Variants in SDK1 observed in about 807,000 individuals in gnomAD.
The protein encoded by SDK1 is sidekick cell adhesion molecule 1.
In SDK1, 157 loss-of-function variants were observed where a neutral mutation model predicts 245.5. The ratio of observed to expected loss-of-function variants is 0.64; its 90% CI spans 0.56 to 0.73. SDK1 has a LOEUF of 0.73. Ranked by LOEUF, SDK1 falls within the 30% of genes least tolerant of loss-of-function variation. The probability of loss-of-function intolerance (pLI) is 0.00; values close to 1 mark genes in which losing one functional copy is unlikely to be tolerated. For synonymous variants in SDK1, 1,647 were observed against 1,278.5 expected, an observed-to-expected ratio of 1.29 and a Z score of -6.15; for missense variants, 3,583 against 3,002.3, an observed-to-expected ratio of 1.19 and a Z score of -4.52.
chr7:3,831,967 C>G (rs1025366429), intron 5 of SDK1, among the ~76,000 whole-genome samples: 1 of 152,088 alleles, frequency 6.6e-6, no homozygotes, highest in African/African-American at 2.4e-5. Context: ...AGGAGGATCA[C>G]TTGAGCCAGG....
chr7:3,811,094 G>A (rs1486580520), intron 4 of SDK1, among the ~76,000 whole-genome samples: 1 of 152,166 alleles, frequency 6.6e-6, no homozygotes, highest in Non-Finnish European at 1.5e-5. Flanking sequence ...TACACCTGAT[G>A]AACCAGATTC....
chr7:3,739,078 T>C (rs1217818246), intron 4 of SDK1, among the ~76,000 whole-genome samples: 1 of 152,176 alleles, frequency 6.6e-6, no homozygotes, highest in African/African-American at 2.4e-5. Flanking sequence ...AGCTAATCCT[T>C]GGTTGACTGT....
At chr7:3,718,524 TAAATAAATAAATAAA>T in intron 4 of SDK1, among the ~76,000 whole-genome samples, 1 of 54 alleles carries the variant, frequency 0.019, no homozygotes, top group Non-Finnish European at 0.056. Flanking sequence ...TGTATCTCAA[TAAATAAATAAATAAA>T]TAAATAAATA....
chr7:3,954,150 G>C (rs1298409845), intron 7 of SDK1, among the ~76,000 whole-genome samples: 1 of 151,890 alleles, frequency 6.6e-6, no homozygotes, highest in East Asian at 1.9e-4. Context: ...AATTTCTGTG[G>C]CTTGAATGAG....
intron 5 of SDK1, among the ~76,000 whole-genome samples, chr7:3,897,647 C>T (rs1047887964): frequency 2.0e-5 from 3 of 152,130 alleles, no homozygotes; most frequent in African/African-American, 7.2e-5. Flanking sequence ...GAACAGTGCT[C>T]CCATTTGCCA....
chr7:3,627,250 G>A (rs946619783), intron 2 of SDK1, among the ~76,000 whole-genome samples: 2 of 152,080 alleles, frequency 1.3e-5, no homozygotes, highest in African/African-American at 4.8e-5. Flanking sequence ...GCATTGTTCC[G>A]AATCCTATTA....
Position 3,884,627 on chromosome 7 carries a change from AG to A in SDK1, c.847+63046del, listed in dbSNP as rs537391747. On this transcript the variant is annotated intron_variant, in intron 5 of 44. Coordinates refer to ENST00000404826, the MANE Select transcript of SDK1 (RefSeq NM_152744.4). ...ACATATTGTGTGCCAGGCTTGTTCT[AG>A]GTGCTGGGAACACACTCACTGGAGG... 5.2e-3 allele frequency among the ~76,000 whole-genome samples: 792 copies of A among 152,308 alleles called. 7 individuals are homozygous for A. The highest frequency in any genetic ancestry group is 0.018 in the African/African-American group (734 of 41,568).
At chr7:3,545,853 A>G (rs60963554) in intron 1 of SDK1, among the ~76,000 whole-genome samples, 2,184 of 152,356 alleles carry the variant, frequency 0.014, 41 homozygotes, top group African/African-American at 0.042. Context: ...AAGTAAACTC[A>G]TACCTAAAAT....
At chr7:4,055,065 G>A (rs1779114167) in intron 19 of SDK1, among the ~76,000 whole-genome samples, 1 of 152,022 alleles carries the variant, frequency 6.6e-6, no homozygotes, top group Non-Finnish European at 1.5e-5. Flanking sequence ...GTCTTTTTTT[G>A]TGTGTTATCT....
In SDK1 at chr7:3,961,864, G is replaced by C. The variant is rs561039936; in HGVS notation, c.1235-793G>C. Among the ~76,000 whole-genome samples, 4 of 150,526 alleles carry C rather than the reference G, an allele frequency of 2.7e-5. No individual in the cohort carries two copies. The South Asian group carries it at 6.2e-4, about 23-fold the overall frequency. On this transcript the variant is annotated intron_variant, in intron 8 of 44. Coordinates refer to ENST00000404826, the MANE Select transcript of SDK1 (RefSeq NM_152744.4). ...GCACATATATGCACCACCTCACACAGACACACATAGAAACACATGTACACA... is the reference window on the plus strand; with the variant it reads ...GCACATATATGCACCACCTCACACACACACACATAGAAACACATGTACACA...
chr7:3,718,541 AAATAAATAAATAAAT>A (rs1785269802), intron 4 of SDK1, among the ~76,000 whole-genome samples: 1 of 33,124 alleles, frequency 3.0e-5, no homozygotes, highest in Admixed American at 3.5e-4. Context: ...ATAAATAAAT[AAATAAATAAATAAAT>A]AAATAAATAA....
chr7:3,979,604 C>A (rs1246203709), intron 13 of SDK1, among the ~76,000 whole-genome samples: 3 of 152,128 alleles, frequency 2.0e-5, no homozygotes, highest in African/African-American at 7.2e-5. Flanking sequence ...CTGCCTTCAT[C>A]CCCCCACTGA....
chr7:3,333,908 C>G (rs111516228), intron 1 of SDK1, among the ~76,000 whole-genome samples: 2 of 152,214 alleles, frequency 1.3e-5, no homozygotes, highest in African/African-American at 4.8e-5. Flanking sequence ...GGCCAGCATC[C>G]TAGCCCAGGC....
At chr7:3,672,595 A>T (rs1034842994) in intron 4 of SDK1, among the ~76,000 whole-genome samples, 91 of 142,126 alleles carry the variant, frequency 6.4e-4, no homozygotes, top group Non-Finnish European at 1.0e-3. Context: ...ATATATATAT[A>T]ATATATATAT....
intron 4 of SDK1, among the ~76,000 whole-genome samples, chr7:3,730,565 T>C (rs1382562902): frequency 6.6e-6 from 1 of 151,858 alleles, no homozygotes; most frequent in Non-Finnish European, 1.5e-5. Context: ...CAGCAGAAGA[T>C]TGAGTGTCCT....
chr7:3,627,957 G>A (rs1359233618), intron 2 of SDK1, among the ~76,000 whole-genome samples: 1 of 152,114 alleles, frequency 6.6e-6, no homozygotes, highest in Non-Finnish European at 1.5e-5. Context: ...CTGCCCAAGT[G>A]TCTCTTTATA....
chr7:4,124,864 G>A (rs896780415), intron 25 of SDK1, among the ~76,000 whole-genome samples: 1 of 152,120 alleles, frequency 6.6e-6, no homozygotes, highest in Non-Finnish European at 1.5e-5. Context: ...CGAATGGATG[G>A]ATGGGTGGAT....
intron 40 of SDK1, among the ~76,000 whole-genome samples, chr7:4,223,239 T>A (rs1785242051): frequency 6.6e-6 from 1 of 152,210 alleles, no homozygotes; most frequent in Non-Finnish European, 1.5e-5. Flanking sequence ...TCCGTGAGCT[T>A]GGATGGGGAA....
chr7:3,571,059 G>C (rs1040910124), intron 1 of SDK1, among the ~76,000 whole-genome samples: 1 of 151,926 alleles, frequency 6.6e-6, no homozygotes, highest in Non-Finnish European at 1.5e-5. Flanking sequence ...ATGAAATTCG[G>C]ATCTTCATGT....
Sources: allele counts gnomAD v4.1 joint callset (sites outside exome capture counted in the v4.1 genomes callset), GRCh38; gene constraint gnomAD v4.1.1; transcripts MANE v1.5; gene names NCBI Gene and HGNC (gene_info 2026-07-23, HGNC 2026-07-21).